AKAP6: variants seen among roughly 807,000 people sequenced by gnomAD.
AKAP6 encodes A-kinase anchoring protein 6.
Under a neutral mutation model 188.5 loss-of-function variants are expected in AKAP6, and 58 were observed. That is an observed-to-expected ratio of 0.31 (90% CI 0.25 to 0.38). The LOEUF is 0.38. Among genes scored for constraint, AKAP6 ranks in the 10% least tolerant of loss-of-function variants. The probability of loss-of-function intolerance (pLI) is 1.00; values close to 1 mark genes in which losing one functional copy is unlikely to be tolerated. For synonymous variants in AKAP6, 989 were observed against 998.6 expected (o/e 0.99, Z 0.18); for missense variants, 2,710 against 2,740.0 (o/e 0.99, Z 0.24).
chr14:32,435,811 G>A (rs1242834480), intron 2 of AKAP6, among the ~76,000 whole-genome samples: 1 of 152,144 alleles, frequency 6.6e-6, no homozygotes, highest in Non-Finnish European at 1.5e-5. Flanking sequence ...CAAAGTCAAG[G>A]AGCTCTGGTT....
At chr14:32,744,959 T>A (rs2031833722) in intron 11 of AKAP6, among the ~76,000 whole-genome samples, 1 of 152,160 alleles carries the variant, frequency 6.6e-6, no homozygotes, top group South Asian at 2.1e-4. Flanking sequence ...GCATGATTCT[T>A]TTTAATTATT....
At chr14:32,710,200 A>C (rs1320320515) in intron 9 of AKAP6, among the ~76,000 whole-genome samples, 45 of 21,936 alleles carry the variant, frequency 2.1e-3, no homozygotes, top group South Asian at 0.013. Context: ...ATGGACCCAA[A>C]AAAAAAAAAA....
chr14:32,444,597 A>T (rs1316155863), intron 2 of AKAP6, among the ~76,000 whole-genome samples: 1 of 152,186 alleles, frequency 6.6e-6, no homozygotes, highest in Non-Finnish European at 1.5e-5. Context: ...ATATATCATT[A>T]AATGGAGAAG....
chr14:32,543,492 T>A (rs11847174), intron 3 of AKAP6, among the ~76,000 whole-genome samples: 34,895 of 152,174 alleles, frequency 0.23, 4,517 homozygotes, highest in African/African-American at 0.34. Flanking sequence ...TCATGAATAG[T>A]GCTGTAATAA....
chr14:32,334,518 C>T (rs1311226099), intron 1 of AKAP6, among the ~76,000 whole-genome samples: 1 of 152,066 alleles, frequency 6.6e-6, no homozygotes, highest in Non-Finnish European at 1.5e-5. Context: ...CATATTGTTA[C>T]AATTGTTCTG....
intron 11 of AKAP6, among the ~76,000 whole-genome samples, chr14:32,772,450 T>A (rs1390092541): frequency 6.6e-6 from 1 of 152,206 alleles, no homozygotes; most frequent in African/African-American, 2.4e-5. Flanking sequence ...TTCACCTTAT[T>A]TAAAATTCAG....
At chr14:32,775,591 T>C (rs1363331921) in intron 12 of AKAP6, among the ~76,000 whole-genome samples, 1 of 152,016 alleles carries the variant, frequency 6.6e-6, no homozygotes, top group Non-Finnish European at 1.5e-5. Flanking sequence ...TGTCAGCATG[T>C]CTGCCTAATT....
chr14:32,439,275 G>A (rs1226401654), intron 2 of AKAP6, among the ~76,000 whole-genome samples: 2 of 152,174 alleles, frequency 1.3e-5, no homozygotes, highest in African/African-American at 4.8e-5. Flanking sequence ...CCACAGCTGG[G>A]ATTTGGCACC....
At chr14:32,476,678 C>T (rs76710613) in intron 2 of AKAP6, among the ~76,000 whole-genome samples, 5 of 152,132 alleles carry the variant, frequency 3.3e-5, no homozygotes, top group African/African-American at 9.7e-5. Flanking sequence ...AGGGATTTTC[C>T]GTAAGTGTTA....
rs996109197 is a variant in AKAP6, at chr14:32,835,755, CCTT to C, written c.*5954_*5956del. 183 of 126,482 alleles carry C rather than the reference CCTT, an allele frequency of 1.4e-3. 1 individual carries two copies. The highest frequency in any genetic ancestry group is 4.5e-3 in the African/African-American group (179 of 39,564). 7.8% of individuals were successfully genotyped at this position (126,482 alleles called of 1,614,324 possible). On this transcript the variant is annotated 3_prime_UTR_variant, in exon 14 of 14. Coordinates refer to ENST00000280979, the MANE Select transcript of AKAP6 (RefSeq NM_004274.5). ...AAAGAAGATGTTCAAAAAGAATAGT[CCTT>C]CTTTTCTTTCTTAAATTCACCTTTG...
intron 11 of AKAP6, among the ~76,000 whole-genome samples, chr14:32,740,614 T>C (rs2031628884): frequency 6.6e-6 from 1 of 152,084 alleles, no homozygotes; most frequent in Admixed American, 6.6e-5. Context: ...CCCAGCACCA[T>C]TTATTGAAGA....
chr14:32,795,499 A>G (rs1267809579), intron 12 of AKAP6, among the ~76,000 whole-genome samples: 1 of 152,220 alleles, frequency 6.6e-6, no homozygotes, highest in African/African-American at 2.4e-5. Flanking sequence ...GTGAGTCAAT[A>G]AATGTGATTC....
At chr14:32,648,696 C>T (rs1382849270) in intron 7 of AKAP6, among the ~76,000 whole-genome samples, 1 of 152,090 alleles carries the variant, frequency 6.6e-6, no homozygotes, top group Non-Finnish European at 1.5e-5. Flanking sequence ...TTTGGAAAAG[C>T]ATACTCTGTG....
At chr14:32,720,999 G>A (rs1392028553) in intron 9 of AKAP6, among the ~76,000 whole-genome samples, 1 of 152,148 alleles carries the variant, frequency 6.6e-6, no homozygotes, top group Non-Finnish European at 1.5e-5. Context: ...AGAAAACTGA[G>A]TTTCATTACA....
At chr14:32,782,691 A>G (rs1457345313) in intron 12 of AKAP6, among the ~76,000 whole-genome samples, 1 of 152,192 alleles carries the variant, frequency 6.6e-6, no homozygotes, top group Non-Finnish European at 1.5e-5. Context: ...TGTATCTAAC[A>G]ATAGATATGG....
At chr14:32,747,874 G>A (rs1214817057) in intron 11 of AKAP6, among the ~76,000 whole-genome samples, 23 of 152,156 alleles carry the variant, frequency 1.5e-4, no homozygotes, top group Non-Finnish European at 3.4e-4. Flanking sequence ...AGAGAGTTCT[G>A]CCCTTGATTT....
At chr14:32,528,866 T>C (rs1185200528) in intron 2 of AKAP6, among the ~76,000 whole-genome samples, 1 of 152,004 alleles carries the variant, frequency 6.6e-6, no homozygotes, top group Non-Finnish European at 1.5e-5. Flanking sequence ...TTAGTAGAGT[T>C]TGGATTTCAC....
intron 8 of AKAP6, among the ~76,000 whole-genome samples, chr14:32,679,720 G>A (rs1304558154): frequency 1.3e-5 from 2 of 152,126 alleles, no homozygotes; most frequent in Non-Finnish European, 2.9e-5. Context: ...GAAATGAAAA[G>A]GGAGTTTTCA....
At chr14:32,798,597 T>C (rs1450539010) in intron 12 of AKAP6, among the ~76,000 whole-genome samples, 1 of 152,156 alleles carries the variant, frequency 6.6e-6, no homozygotes, top group African/African-American at 2.4e-5. Flanking sequence ...TGGAGACCAT[T>C]ACCCTAAGTG....
Sources: gnomAD v4.1 joint callset for allele counts (sites outside exome capture counted in the v4.1 genomes callset) on GRCh38, gnomAD v4.1.1 for gene constraint, MANE v1.5 for transcripts, NCBI Gene and HGNC (gene_info 2026-07-23, HGNC 2026-07-21) for gene names.